The following ZNF322 variants were observed in gnomAD, a reference collection of about 807,000 sequenced individuals.
ZNF322 encodes the protein zinc finger protein 322, also known as HLA complex group 12.
Under a neutral mutation model 18.3 loss-of-function variants are expected in ZNF322, and 1 was observed. That is an observed-to-expected ratio of 0.05 (90% CI 0.02 to 0.26). ZNF322 has a LOEUF of 0.26. ZNF322 is among the 10% of genes least tolerant of loss of function. ZNF322 has a pLI of 1.00. For missense variants in ZNF322, 36 were observed against 403.6 expected (o/e 0.09, Z 7.80); for synonymous variants, 17 against 130.7 (o/e 0.13, Z 5.93).
chr6:26,656,891 A>G (rs545028945), intron 2 of ZNF322, among the ~76,000 whole-genome samples: 2 of 152,278 alleles, frequency 1.3e-5, no homozygotes, highest in African/African-American at 4.8e-5. Context: ...TAATTTTCCT[A>G]TTCATATCCA....
intron 2 of ZNF322, among the ~76,000 whole-genome samples, chr6:26,649,637 A>ATATGTG (rs1561924633): frequency 2.4e-4 from 16 of 67,618 alleles, no homozygotes; most frequent in South Asian, 6.7e-4. Flanking sequence ...ATACATACAT[A>ATATGTG]TGTGTGTGTG....
chr6:26,648,520 T>A (rs1765594941), intron 2 of ZNF322, among the ~76,000 whole-genome samples: 1 of 152,220 alleles, frequency 6.6e-6, no homozygotes, highest in African/African-American at 2.4e-5. Flanking sequence ...GGTGATTTAA[T>A]AGTAGAATTA....
chr6:26,645,768 A>C (rs2494709), intron 2 of ZNF322, among the ~76,000 whole-genome samples: 69,056 of 151,838 alleles, frequency 0.45, 16,047 homozygotes, highest in East Asian at 0.67. Flanking sequence ...GCGGTGGCTC[A>C]CGCCTGTAAT....
In ZNF322 at chr6:26,637,468, C is replaced by G. The variant is rs1554147828; in HGVS notation, c.1086G>C (p.Gln362His). 6.2e-7 allele frequency: 1 copy of G among 1,613,808 alleles called. No homozygotes were observed. The highest frequency in any genetic ancestry group is 1.1e-5 in the South Asian group (1 of 91,054). ...KYTVCDKSFHQSSALLQHQTV... is the reference protein window; with the variant it reads ...KYTVCDKSFHHSSALLQHQTV... Reference sequence around the variant, plus strand: ...TCTGATGTTGAAGAAGGGCTGAACTCTGGTGGAAGCTTTTATCACATACAG... The same window carrying G: ...TCTGATGTTGAAGAAGGGCTGAACTGTGGTGGAAGCTTTTATCACATACAG... Residue 362 changes from glutamine (Q) to histidine (H), a missense_variant, in exon 4 of 4, where the codon CAG becomes CAC. Coordinates refer to ENST00000415922, the MANE Select transcript of ZNF322 (RefSeq NM_024639.5).
At chr6:26,651,079 A>G (rs1361175188) in intron 2 of ZNF322, among the ~76,000 whole-genome samples, 1 of 152,184 alleles carries the variant, frequency 6.6e-6, no homozygotes, top group Non-Finnish European at 1.5e-5. Flanking sequence ...AAAGTGTGGT[A>G]ATGGTGAAAA....
chr6:26,648,780 A>C (rs1266981001), intron 2 of ZNF322, among the ~76,000 whole-genome samples: 4 of 152,250 alleles, frequency 2.6e-5, no homozygotes, highest in African/African-American at 9.6e-5. Flanking sequence ...CTGAGACCCA[A>C]AAATAGACTC....
chr6:26,645,704 A>T (rs1765545286), intron 2 of ZNF322, among the ~76,000 whole-genome samples: 1 of 152,168 alleles, frequency 6.6e-6, no homozygotes, highest in Non-Finnish European at 1.5e-5. Context: ...AAATATAAAA[A>T]TTTATTTTTT....
At chr6:26,639,657 AAAGG>A (rs1765432592) in intron 3 of ZNF322, among the ~76,000 whole-genome samples, 1 of 152,164 alleles carries the variant, frequency 6.6e-6, no homozygotes, top group African/African-American at 2.4e-5. Context: ...AACAGAAATA[AAAGG>A]AAGAAAAAAA....
chr6:26,649,675 G>GTATATA (rs71544293), intron 2 of ZNF322, among the ~76,000 whole-genome samples: 22 of 22,950 alleles, frequency 9.6e-4, no homozygotes, highest in East Asian at 2.7e-3. Flanking sequence ...GTGTGTGTGT[G>GTATATA]TATATATATA....
chr6:26,644,093 T>TCCCAAAA (rs1765513769), intron 2 of ZNF322, among the ~76,000 whole-genome samples: 1 of 152,184 alleles, frequency 6.6e-6, no homozygotes, highest in African/African-American at 2.4e-5. Flanking sequence ...GACTACAAAG[T>TCCCAAAA]ATTTTTGGGA....
At chr6:26,639,536 A>ACAG (rs1765430554) in intron 3 of ZNF322, among the ~76,000 whole-genome samples, 1 of 152,208 alleles carries the variant, frequency 6.6e-6, no homozygotes, top group South Asian at 2.1e-4. Context: ...ATGTACACAT[A>ACAG]CAGAAACACC....
intron 2 of ZNF322, among the ~76,000 whole-genome samples, chr6:26,646,039 A>G (rs1189126766): frequency 5.2e-5 from 1 of 19,352 alleles, no homozygotes; most frequent in Admixed American, 5.1e-4. Context: ...CTCAAAATAA[A>G]TAAATAAATA....
At chr6:26,656,292 T>G (rs1208666613) in intron 2 of ZNF322, among the ~76,000 whole-genome samples, 3 of 152,206 alleles carry the variant, frequency 2.0e-5, no homozygotes, top group Non-Finnish European at 4.4e-5. Flanking sequence ...AACTTCAATA[T>G]TCTCTTTTTT....
chr6:26,635,060 TC>T lies in ZNF322; in HGVS notation c.*2284del, dbSNP rs1765330789. ...TGTCAGATCAAATAAACTTCCAGGA[TC>T]TTTTTCTAAAAGAAAAAAAAATACC... On this transcript the variant is annotated 3_prime_UTR_variant, in exon 4 of 4. Coordinates refer to ENST00000415922, the MANE Select transcript of ZNF322 (RefSeq NM_024639.5). The T allele has an allele frequency of 6.8e-6, 1 of 146,140 alleles. No homozygotes were observed. The allele number at this position is 146,140 out of a possible 1,614,324, so 9.1% of individuals were successfully genotyped here.
intron 3 of ZNF322, among the ~76,000 whole-genome samples, chr6:26,640,533 A>G (rs1336020194): frequency 6.6e-6 from 1 of 152,174 alleles, no homozygotes; most frequent in East Asian, 1.9e-4. Flanking sequence ...CTCAACAGGC[A>G]TATTCTCAGT....
At chr6:26,657,971 T>A (rs1765812379) in intron 2 of ZNF322, among the ~76,000 whole-genome samples, 1 of 151,952 alleles carries the variant, frequency 6.6e-6, no homozygotes, top group African/African-American at 2.4e-5. Context: ...TTCATACAAC[T>A]TGAGAGTTCA....
chr6:26,648,396 C>T (rs1765593492), intron 2 of ZNF322, among the ~76,000 whole-genome samples: 1 of 152,144 alleles, frequency 6.6e-6, no homozygotes. Flanking sequence ...AGATCAGGAA[C>T]AAGGCAAGTA....
At chr6:26,655,482 A>T (rs1463570920) in intron 2 of ZNF322, among the ~76,000 whole-genome samples, 1 of 152,244 alleles carries the variant, frequency 6.6e-6, no homozygotes, top group Non-Finnish European at 1.5e-5. Flanking sequence ...GATGGCATGT[A>T]GCTAGCAGTA....
At position 26,638,372 on chromosome 6, in the gene ZNF322, C is replaced by G. The variant is rs1447849241; in HGVS notation, c.182G>C (p.Cys61Ser). Residue 61 changes from cysteine (C) to serine (S), a missense_variant, in exon 4 of 4, where the codon TGT becomes TCT. Transcript: ENST00000415922. Reference sequence around the variant, plus strand: ...TTTCTCCCCAGTATGGGTTCTCTCACACATAATAAGAGCTAAGTTTTCACA... The same window carrying G: ...TTTCTCCCCAGTATGGGTTCTCTCAGACATAATAAGAGCTAAGTTTTCACA... ...NFCENLALIM[C>S]ERTHTGEKPY... The G allele has an allele frequency of 6.2e-7, 1 of 1,613,786 alleles. No homozygotes were observed. The highest frequency in any genetic ancestry group is 8.5e-7 in the Non-Finnish European group (1 of 1,179,788).
Sources: gnomAD v4.1 joint callset for allele counts (sites outside exome capture counted in the v4.1 genomes callset) on GRCh38, gnomAD v4.1.1 for gene constraint, MANE v1.5 for transcripts, NCBI Gene and HGNC (gene_info 2026-07-23, HGNC 2026-07-21) for gene names.